GRM1: variants seen among roughly 807,000 people sequenced by gnomAD.
GRM1 encodes metabotropic glutamate receptor 1.
A neutral mutation model predicts 90.9 loss-of-function variants in GRM1; 33 were observed. The observed-to-expected ratio is 0.36, with a 90% CI of 0.28 to 0.49. The LOEUF is 0.49. GRM1 is among the 20% of genes least tolerant of loss of function. The pLI, the probability that GRM1 is intolerant of heterozygous loss-of-function variation, is 0.99. For synonymous variants in GRM1, 700 were observed against 613.2 expected (o/e 1.14, Z -2.09); for missense variants, 1,190 against 1,534.3 (o/e 0.78, Z 3.75).
chr6:146,413,416 T>G (rs151019497), intron 7 of GRM1, among the ~76,000 whole-genome samples: 133 of 152,138 alleles, frequency 8.7e-4, no homozygotes, highest in African/African-American at 3.1e-3. Context: ...GGATTTACAT[T>G]TTTTTAATTT....
intron 1 of GRM1, among the ~76,000 whole-genome samples, chr6:146,055,240 ATG>A (rs1470443177): frequency 6.6e-6 from 1 of 152,122 alleles, no homozygotes; most frequent in Non-Finnish European, 1.5e-5. Flanking sequence ...TGGTATTTAG[ATG>A]TGTGTATTGC....
intron 2 of GRM1, among the ~76,000 whole-genome samples, chr6:146,258,261 G>A (rs555917853): frequency 1.3e-5 from 2 of 152,204 alleles, no homozygotes; most frequent in Admixed American, 6.5e-5. Flanking sequence ...TGGGGTGCAC[G>A]TTTTCCTGAA....
intron 7 of GRM1, among the ~76,000 whole-genome samples, chr6:146,407,645 T>C (rs1165131275): frequency 1.3e-5 from 2 of 152,200 alleles, no homozygotes; most frequent in Admixed American, 6.5e-5. Context: ...GGTACATTCA[T>C]AACACCATCA....
intron 1 of GRM1, among the ~76,000 whole-genome samples, chr6:146,052,069 C>T (rs144205611): frequency 6.6e-6 from 1 of 152,090 alleles, no homozygotes; most frequent in East Asian, 1.9e-4. Context: ...TGTACATAGG[C>T]TGAAAATGTT....
chr6:146,171,734 C>A, intron 2 of GRM1: 1 of 295,098 alleles, frequency 3.4e-6, no homozygotes, highest in South Asian at 4.6e-5. Flanking sequence ...TAAAAGCAAT[C>A]AGATACCTAC....
chr6:146,159,938 A>G (rs1777661979), intron 2 of GRM1: 1 of 214,576 alleles, frequency 4.7e-6, no homozygotes, highest in African/African-American at 2.4e-5. Context: ...AAAAAAAAGG[A>G]AAGAAAGAAA....
chr6:146,369,080 A>T (rs931601286), intron 5 of GRM1, among the ~76,000 whole-genome samples: 7 of 151,908 alleles, frequency 4.6e-5, no homozygotes, highest in African/African-American at 1.4e-4. Context: ...TCAGTAGGTT[A>T]TATGTATTCA....
rs578008919 is a variant in GRM1 at position 146,179,223 on chromosome 6, A to G, written c.950+19626A>G. ...ACTGACTAGTGCAATCCAGACCTAA[A>G]CAGCAAGATTCCTTTCAGATCCCAC... is the stretch of plus-strand genomic sequence containing the variant. On this transcript the variant is annotated intron_variant, in intron 2 of 7. Transcript: ENST00000282753. Among the ~76,000 whole-genome samples the G allele has an allele frequency of 1.3e-4, 20 of 152,284 alleles. No individual in the cohort carries two copies. In the East Asian group the frequency reaches 1.5e-3, roughly 12 times the overall value.
chr6:146,240,752 G>A, intron 2 of GRM1, among the ~76,000 whole-genome samples: 1 of 152,116 alleles, frequency 6.6e-6, no homozygotes, highest in East Asian at 1.9e-4. Context: ...TACTTTTTAA[G>A]CAGGATGTCT....
intron 3 of GRM1, among the ~76,000 whole-genome samples, chr6:146,349,245 T>A (rs13210341): frequency 0.076 from 5,117 of 67,208 alleles, 205 homozygotes; most frequent in East Asian, 0.38. Context: ...TTTTTTTTTT[T>A]ATTTTTTTTT....
intron 7 of GRM1, among the ~76,000 whole-genome samples, chr6:146,430,471 G>C (rs1778367683): frequency 6.6e-6 from 1 of 152,152 alleles, no homozygotes; most frequent in Non-Finnish European, 1.5e-5. Context: ...AAAGGTTCAG[G>C]TGCTTTGTAA....
At chr6:146,386,473 C>T (rs1455486841) in intron 5 of GRM1, among the ~76,000 whole-genome samples, 1 of 151,944 alleles carries the variant, frequency 6.6e-6, no homozygotes, top group East Asian at 1.9e-4. Flanking sequence ...AATTACTTAG[C>T]TTTGATGAAT....
At chr6:146,132,799 T>C (rs1776460233) in intron 1 of GRM1, among the ~76,000 whole-genome samples, 1 of 152,262 alleles carries the variant, frequency 6.6e-6, no homozygotes, top group African/African-American at 2.4e-5. Context: ...TTCAGCACCC[T>C]GTACACAGCT....
chr6:146,388,103 C>A (rs902754280), intron 6 of GRM1, among the ~76,000 whole-genome samples: 2 of 152,030 alleles, frequency 1.3e-5, no homozygotes, highest in Admixed American at 6.6e-5. Flanking sequence ...TTGTTATGAG[C>A]TTACAGAGGA....
intron 2 of GRM1, among the ~76,000 whole-genome samples, chr6:146,187,935 A>T (rs895075099): frequency 1.3e-5 from 2 of 152,086 alleles, no homozygotes; most frequent in African/African-American, 4.8e-5. Context: ...ATTATTATTT[A>T]TGTTCTATTT....
At chr6:146,203,829 T>C (rs554638260) in intron 2 of GRM1, among the ~76,000 whole-genome samples, 52 of 152,360 alleles carry the variant, frequency 3.4e-4, no homozygotes, top group African/African-American at 1.1e-3. Flanking sequence ...TGAAAAACTT[T>C]ATCTCTCATG....
intron 7 of GRM1, among the ~76,000 whole-genome samples, chr6:146,400,766 T>C (rs1183815358): frequency 6.6e-6 from 1 of 152,102 alleles, no homozygotes; most frequent in Non-Finnish European, 1.5e-5. Context: ...CAAACAATCC[T>C]TTAAAAATAA....
At chr6:146,241,579 C>T (rs925705932) in intron 2 of GRM1, among the ~76,000 whole-genome samples, 1 of 152,246 alleles carries the variant, frequency 6.6e-6, no homozygotes, top group East Asian at 1.9e-4. Flanking sequence ...CTCCACTCTT[C>T]CCTGGCAATT....
At chr6:146,396,676 C>T (rs1269233023) in intron 6 of GRM1, among the ~76,000 whole-genome samples, 1 of 152,058 alleles carries the variant, frequency 6.6e-6, no homozygotes, top group Non-Finnish European at 1.5e-5. Flanking sequence ...TAAAATAAGA[C>T]TTTGTGTATG....
Sources: gnomAD v4.1 joint callset for allele counts (sites outside exome capture counted in the v4.1 genomes callset) on GRCh38, gnomAD v4.1.1 for gene constraint, MANE v1.5 for transcripts, NCBI Gene and HGNC (gene_info 2026-07-23, HGNC 2026-07-21) for gene names.